The following WDR76 variants were observed in gnomAD, a reference collection of about 807,000 sequenced individuals.
The protein encoded by WDR76 is WD repeat domain 76, also known as WD repeat-containing protein 76.
A neutral mutation model predicts 70.2 loss-of-function variants in WDR76; 52 were observed. The observed-to-expected ratio is 0.74, with a 90% CI of 0.59 to 0.93. The LOEUF (loss-of-function observed/expected upper bound fraction) is 0.93, where lower values mean the gene tolerates loss of function less well. Ranked by LOEUF, WDR76 falls within the 40% of genes least tolerant of loss-of-function variation. WDR76 has a pLI of 0.00. For missense variants in WDR76, 756 were observed against 760.2 expected (o/e 0.99, Z 0.07); for synonymous variants, 292 against 271.1 (o/e 1.08, Z -0.76).
At chr15:43,850,577 G>A (rs1180697784) in intron 8 of WDR76, among the ~76,000 whole-genome samples, 1 of 152,026 alleles carries the variant, frequency 6.6e-6, no homozygotes, top group Non-Finnish European at 1.5e-5. Flanking sequence ...TTACAGGCGT[G>A]AGCCACCGCG....
chr15:43,847,711 G>T (rs1457867475), intron 8 of WDR76, among the ~76,000 whole-genome samples: 2 of 151,870 alleles, frequency 1.3e-5, no homozygotes, highest in Non-Finnish European at 2.9e-5. Flanking sequence ...ATGAGTCACC[G>T]TGCCCAGCCT....
chr15:43,828,230 T>G lies in WDR76; in HGVS notation c.326T>G (p.Leu109Arg). The change falls in exon 2 of 13, where the codon CTG (leucine) becomes CGG (arginine). Residue 109 changes from leucine (L) to arginine (R), a missense_variant. Coordinates refer to ENST00000263795, the MANE Select transcript of WDR76 (RefSeq NM_024908.4). ...ACATCTTCCAAGGCAGAATCCACGC[T>G]GCAAAATTCATCCTCAGCTGTTCAT... ...KNTSSKAEST[L>R]QNSSSAVHTE... is the part of the protein sequence containing the mutation. The G allele has an allele frequency of 6.2e-7, 1 of 1,614,186 alleles. No individual in the cohort carries two copies. Among genetic ancestry groups the G allele is most frequent in the Non-Finnish European group, 8.5e-7 (1 of 1,180,032 alleles).
chr15:43,851,561 T>C (rs1335047589), intron 9 of WDR76, among the ~76,000 whole-genome samples: 1 of 152,222 alleles, frequency 6.6e-6, no homozygotes, highest in African/African-American at 2.4e-5. Flanking sequence ...TAGTATGTGT[T>C]TGCGCTTGTT....
chr15:43,846,774 C>G (rs2087794126), intron 8 of WDR76, among the ~76,000 whole-genome samples: 1 of 151,978 alleles, frequency 6.6e-6, no homozygotes, highest in African/African-American at 2.4e-5. Context: ...GTGATCCCAG[C>G]ACTTTGGGAT....
At chr15:43,845,283 G>T (rs902515182) in intron 8 of WDR76, among the ~76,000 whole-genome samples, 1 of 150,080 alleles carries the variant, frequency 6.7e-6, no homozygotes, top group African/African-American at 2.4e-5. Flanking sequence ...TTAAAATATG[G>T]TCTGCTATGG....
chr15:43,846,933 A>G (rs894933311), intron 8 of WDR76, among the ~76,000 whole-genome samples: 2 of 147,368 alleles, frequency 1.4e-5, no homozygotes, highest in African/African-American at 2.5e-5. Flanking sequence ...GAGGCAGGAG[A>G]TTTGCTTGAA....
chr15:43,864,499 T>C (rs543893306), intron 12 of WDR76, among the ~76,000 whole-genome samples: 6 of 152,354 alleles, frequency 3.9e-5, no homozygotes, highest in African/African-American at 1.4e-4. Context: ...ATTTCACTGA[T>C]TAGTGATACT....
At position 43,866,284 on chromosome 15, in the gene WDR76, C is replaced by T. The variant is rs2088069635; in HGVS notation, c.1773C>T (p.Tyr591=). The part of the protein sequence containing the change: ...GKRVHSFGGE[Y]LVSVCSINAM... The stretch of plus-strand genomic sequence containing the variant: ...GGGTGCATTCGTTTGGTGGAGAATA[C>T]CTTGTCTCTGTGTGTTCCATCAATG... The change falls in exon 13 of 13, where the codon TAC becomes TAT. Residue 591 remains tyrosine (Y), a synonymous_variant. Transcript: ENST00000263795. The T allele has an allele frequency of 4.3e-6, 7 of 1,614,082 alleles. No homozygotes were observed.
rs766962880 is a variant in WDR76 at position 43,866,174 on chromosome 15, T to TG, written c.1666dup (p.Asp556GlyfsTer3). ...ATGGCTGACCAGGTTCCAAGCCATGTGGGATCCTAAACAAGAAGACTGTGT... is the reference window on the plus strand; with the variant it reads ...ATGGCTGACCAGGTTCCAAGCCATGTGGGGATCCTAAACAAGAAGACTGTGT... On this transcript the variant is annotated frameshift_variant, in exon 13 of 13. Coordinates refer to ENST00000263795, the MANE Select transcript of WDR76 (RefSeq NM_024908.4). LOFTEE classifies it high-confidence loss of function. 6.2e-7 allele frequency: 1 copy of TG among 1,614,214 alleles called. No homozygotes were observed. The highest frequency in any genetic ancestry group is 2.2e-5 in the East Asian group (1 of 44,888).
At chr15:43,837,325 CA>C (rs1271272140) in intron 4 of WDR76, among the ~76,000 whole-genome samples, 2 of 152,156 alleles carry the variant, frequency 1.3e-5, no homozygotes, top group Non-Finnish European at 2.9e-5. Context: ...CAGGTATTTT[CA>C]AGTGTGAAAA....
chr15:43,852,059 C>T (rs1367954307), intron 9 of WDR76, among the ~76,000 whole-genome samples: 1 of 152,096 alleles, frequency 6.6e-6, no homozygotes, highest in Non-Finnish European at 1.5e-5. Context: ...AGAGTGAGAC[C>T]CTCTCTCAAA....
At chr15:43,864,501 A>G (rs1386647739) in intron 12 of WDR76, among the ~76,000 whole-genome samples, 1 of 152,026 alleles carries the variant, frequency 6.6e-6, no homozygotes, top group African/African-American at 2.4e-5. Context: ...TTCACTGATT[A>G]GTGATACTGA....
intron 8 of WDR76, among the ~76,000 whole-genome samples, chr15:43,844,683 G>T (rs1360202266): frequency 1.3e-5 from 2 of 151,500 alleles, no homozygotes; most frequent in African/African-American, 4.9e-5. Context: ...GCCGAGGCGG[G>T]TGGATCACGA....
At chr15:43,833,492 G>A (rs911686412) in intron 2 of WDR76, among the ~76,000 whole-genome samples, 2 of 149,808 alleles carry the variant, frequency 1.3e-5, no homozygotes, top group Non-Finnish European at 3.0e-5. Context: ...CTAATTTTTT[G>A]TATTTTTTAG....
intron 2 of WDR76, among the ~76,000 whole-genome samples, chr15:43,828,835 A>G (rs75037661): frequency 0.014 from 2,075 of 152,270 alleles, 60 homozygotes; most frequent in African/African-American, 0.048. Flanking sequence ...AGAGTAGGTA[A>G]GATACATGAG....
intron 2 of WDR76, 27 bp from the exon 3 acceptor site, chr15:43,835,034 T>C (rs1462388291): frequency 1.3e-6 from 2 of 1,588,478 alleles, no homozygotes; most frequent in African/African-American, 1.3e-5. Flanking sequence ...TATAAAGTAA[T>C]GGAATCTTTT....
chr15:43,851,254 T>C lies in WDR76; in HGVS notation c.1191+9T>C. On this transcript the variant is annotated intron_variant, in intron 9 of 12. Coordinates refer to ENST00000263795, the MANE Select transcript of WDR76 (RefSeq NM_024908.4). ...GGGCTATTTTTGAAGAGGTAAATGTTAATGTGTTTACATGCTGACTTCAGA... is the reference window on the plus strand; with the variant it reads ...GGGCTATTTTTGAAGAGGTAAATGTCAATGTGTTTACATGCTGACTTCAGA... The C allele has an allele frequency of 6.2e-7, 1 of 1,613,520 alleles. No individual in the cohort carries two copies. Among genetic ancestry groups the C allele is most frequent in the Non-Finnish European group, 8.5e-7 (1 of 1,179,702 alleles).
At chr15:43,851,293 T>G in intron 9 of WDR76, 48 bp downstream of exon 9, 1 of 1,591,552 alleles carries the variant, frequency 6.3e-7, no homozygotes, top group South Asian at 1.1e-5. Context: ...TATTCTAGAT[T>G]CTTCGAAATG....
chr15:43,854,336 G>A (rs1048191766), intron 9 of WDR76, among the ~76,000 whole-genome samples: 4 of 152,188 alleles, frequency 2.6e-5, no homozygotes, highest in African/African-American at 4.8e-5. Flanking sequence ...GACAGAGGCC[G>A]AGGAGGGTGG....
Sources: gnomAD v4.1 joint callset for allele counts (sites outside exome capture counted in the v4.1 genomes callset) on GRCh38, gnomAD v4.1.1 for gene constraint, MANE v1.5 for transcripts, NCBI Gene and HGNC (gene_info 2026-07-23, HGNC 2026-07-21) for gene names.